SPHKAP: variants seen among roughly 807,000 people sequenced by gnomAD.
The protein encoded by SPHKAP is A-kinase anchor protein SPHKAP.
A neutral mutation model predicts 137.5 loss-of-function variants in SPHKAP; 67 were observed. The observed-to-expected ratio is 0.49, with a 90% CI of 0.40 to 0.60. SPHKAP has a LOEUF of 0.60. SPHKAP is among the 20% of genes least tolerant of loss of function. The pLI, the probability that SPHKAP is intolerant of heterozygous loss-of-function variation, is 0.00. For synonymous variants in SPHKAP, 813 were observed against 785.3 expected, an observed-to-expected ratio of 1.04 and a Z score of -0.59; for missense variants, 2,097 against 2,069.3, an observed-to-expected ratio of 1.01 and a Z score of -0.26.
chr2:228,097,760 G>A (rs1296534288), intron 3 of SPHKAP, among the ~76,000 whole-genome samples: 1 of 152,148 alleles, frequency 6.6e-6, no homozygotes, highest in Non-Finnish European at 1.5e-5. Context: ...ACATGTGGTA[G>A]TTAGCTCAGG....
At position 228,018,241 on chromosome 2, in the gene SPHKAP, A is replaced by G; in HGVS notation, c.2613T>C (p.Gly871=). 1 of 1,613,988 alleles carries G rather than the reference A, an allele frequency of 6.2e-7. No individual in the cohort carries two copies. Among genetic ancestry groups the G allele is most frequent in the East Asian group, 2.2e-5 (1 of 44,868 alleles). The part of the protein sequence containing the change: ...RSPTVSQSRS[G]SQEAEESIHP... ...GGATACTCTCCTCAGCCTCCTGGGA[A>G]CCACTTCTGGACTGGCTGACCGTTG... is the stretch of plus-strand genomic sequence containing the variant. The change falls in exon 7 of 12, where the codon GGT becomes GGC. Residue 871 remains glycine, a synonymous_variant. Coordinates refer to ENST00000392056, the MANE Select transcript of SPHKAP (RefSeq NM_001142644.2).
chr2:228,072,703 A>G (rs1697041976), intron 3 of SPHKAP, among the ~76,000 whole-genome samples: 1 of 152,218 alleles, frequency 6.6e-6, no homozygotes, highest in African/African-American at 2.4e-5. Flanking sequence ...CCATATATGA[A>G]GTCTGGCTCC....
chr2:228,021,241 G>A (rs562195247), intron 6 of SPHKAP, among the ~76,000 whole-genome samples: 1 of 152,228 alleles, frequency 6.6e-6, no homozygotes, highest in East Asian at 1.9e-4. Flanking sequence ...AGGCATGATC[G>A]TACTCCCAAA....
intron 7 of SPHKAP, among the ~76,000 whole-genome samples, chr2:228,014,863 G>T (rs72973336): frequency 6.6e-6 from 1 of 152,034 alleles, no homozygotes; most frequent in Non-Finnish European, 1.5e-5. Context: ...TCCAACTTAG[G>T]TTTTCCAAGC....
intron 3 of SPHKAP, among the ~76,000 whole-genome samples, chr2:228,104,352 AAAT>A (rs924066033): frequency 2.1e-4 from 30 of 146,176 alleles, no homozygotes; most frequent in Admixed American, 1.3e-3. Flanking sequence ...AAATAATATT[AAAT>A]AATAATATAA....
intron 1 of SPHKAP, among the ~76,000 whole-genome samples, chr2:228,155,672 A>C (rs1209359222): frequency 1.3e-5 from 2 of 152,202 alleles, no homozygotes; most frequent in Non-Finnish European, 2.9e-5. Flanking sequence ...GCCACTGAGA[A>C]AACTGAATTA....
Position 227,986,904 on chromosome 2 carries a change from A to C in SPHKAP, c.4959+4096T>G, listed in dbSNP as rs150316673. On this transcript the variant is annotated intron_variant, in intron 11 of 11. Transcript: ENST00000392056. ...GAGCAATGATCTTTGGATCTAAAAA[A>C]CCAGGACCATTAGCCATGTGCGTGT... is the stretch of plus-strand genomic sequence containing the variant. 1.8e-3 allele frequency among the ~76,000 whole-genome samples: 275 copies of C among 152,302 alleles called. 1 individual carries two copies. Among genetic ancestry groups the C allele is most frequent in the African/African-American group, 6.2e-3 (258 of 41,570 alleles).
chr2:228,149,840 A>G (rs1699879751), intron 1 of SPHKAP, among the ~76,000 whole-genome samples: 2 of 152,016 alleles, frequency 1.3e-5, no homozygotes, highest in Admixed American at 6.6e-5. Context: ...TCTGCAGATT[A>G]TTTTTTTATT....
chr2:228,157,490 C>CA (rs1700140333), intron 1 of SPHKAP, among the ~76,000 whole-genome samples: 1 of 151,926 alleles, frequency 6.6e-6, no homozygotes, highest in Non-Finnish European at 1.5e-5. Context: ...CTCATAGCCT[C>CA]AAAAAAGAAA....
At chr2:228,127,623 C>G (rs565588310) in intron 2 of SPHKAP, among the ~76,000 whole-genome samples, 1 of 152,292 alleles carries the variant, frequency 6.6e-6, no homozygotes, top group South Asian at 2.1e-4. Context: ...TGTATATTCT[C>G]TTTCTCAATT....
chr2:228,025,635 G>A (rs1695004750), intron 4 of SPHKAP, 107 bp from the exon 5 acceptor site: 2 of 1,292,120 alleles, frequency 1.5e-6, no homozygotes, highest in South Asian at 1.7e-5. Context: ...CATACATATA[G>A]ACTGCTTAAT....
chr2:228,097,911 C>A (rs972676034), intron 3 of SPHKAP, among the ~76,000 whole-genome samples: 6 of 152,140 alleles, frequency 3.9e-5, no homozygotes, highest in Non-Finnish European at 5.9e-5. Flanking sequence ...AATTCCAGAT[C>A]TTTGATATTG....
chr2:228,165,401 T>C (rs1035525496), intron 1 of SPHKAP, among the ~76,000 whole-genome samples: 1 of 152,222 alleles, frequency 6.6e-6, no homozygotes, highest in African/African-American at 2.4e-5. Context: ...AGGGCCTGCT[T>C]TCTTCCTGGA....
At chr2:228,015,421 C>T (rs1363114061) in intron 7 of SPHKAP, among the ~76,000 whole-genome samples, 1 of 151,878 alleles carries the variant, frequency 6.6e-6, no homozygotes, top group Non-Finnish European at 1.5e-5. Flanking sequence ...ATTTATAGTC[C>T]TTTGGGTATA....
At position 228,019,565 on chromosome 2, in the gene SPHKAP, G is replaced by T. The variant is rs2106215764; in HGVS notation, c.1289C>A (p.Pro430His). Reference protein sequence around the residue: ...VSVSVGSSLLPSCYSTKDTVV... With the variant: ...VSVSVGSSLLHSCYSTKDTVV... ...TGTATCTTTTGTGGAATAGCAACTG[G>T]GAAGCAGAGAACTTCCTACAGAAAC... Residue 430 changes from proline to histidine, a missense_variant, in exon 7 of 12, where the codon CCC (proline) becomes CAC (histidine). By Grantham distance (77) the Pro-to-His change is moderately conservative. Coordinates refer to ENST00000392056, the MANE Select transcript of SPHKAP (RefSeq NM_001142644.2). 1 of 1,614,146 alleles carries T rather than the reference G, an allele frequency of 6.2e-7. No individual in the cohort carries two copies. The highest frequency in any genetic ancestry group is 2.2e-5 in the East Asian group (1 of 44,884).
Position 228,018,635 on chromosome 2 carries a change from T to C in SPHKAP, c.2219A>G (p.Glu740Gly), listed in dbSNP as rs972721193. The C allele has an allele frequency of 6.8e-6, 11 of 1,613,988 alleles. No homozygotes were observed. In the African/African-American group the frequency reaches 1.3e-4, roughly 20 times the overall value. ...TTCTGTCTCCCTCCTTCTGATGGTC[T>C]CCTTAGAAAGGACAGCAGGACATTC... is the stretch of plus-strand genomic sequence containing the variant. ...LGECPAVLSKETIRRRETEPS... is the reference protein window; with the variant it reads ...LGECPAVLSKGTIRRRETEPS... The change falls in exon 7 of 12, where the codon GAG becomes GGG. Residue 740 changes from glutamate to glycine, a missense_variant. Coordinates refer to ENST00000392056, the MANE Select transcript of SPHKAP (RefSeq NM_001142644.2).
chr2:228,030,049 C>A (rs1695220849), intron 3 of SPHKAP, among the ~76,000 whole-genome samples: 1 of 152,166 alleles, frequency 6.6e-6, no homozygotes, highest in African/African-American at 2.4e-5. Flanking sequence ...TCTACCTACA[C>A]CTGGAGGACA....
chr2:227,981,427 G>C lies in SPHKAP; in HGVS notation c.*290C>G, dbSNP rs1422616233. 8.4e-6 allele frequency: 2 copies of C among 236,920 alleles called. No individual in the cohort carries two copies. The highest frequency in any genetic ancestry group is 1.6e-5 in the Non-Finnish European group (2 of 124,368). 14.7% of individuals were successfully genotyped at this position (236,920 alleles called of 1,614,324 possible). On this transcript the variant is annotated 3_prime_UTR_variant, in exon 12 of 12. Transcript: ENST00000392056. ...TGTGAGTGTTGTTTTCCTGGAGATT[G>C]GGTCTCATTATAAGCATTCTAATTT...
At chr2:227,985,977 C>G (rs1422696347) in intron 11 of SPHKAP, among the ~76,000 whole-genome samples, 1 of 152,184 alleles carries the variant, frequency 6.6e-6, no homozygotes, top group African/African-American at 2.4e-5. Flanking sequence ...CTTGGCTGCA[C>G]TCTGGAACCC....
Sources: gnomAD v4.1 joint callset for allele counts (sites outside exome capture counted in the v4.1 genomes callset) on GRCh38, gnomAD v4.1.1 for gene constraint, MANE v1.5 for transcripts, NCBI Gene and HGNC (gene_info 2026-07-23, HGNC 2026-07-21) for gene names.